CNN2: variants seen among roughly 807,000 people sequenced by gnomAD.
The protein encoded by CNN2 is calponin 2, also known as calponin-2.
A neutral mutation model predicts 31.0 loss-of-function variants in CNN2; 21 were observed. The observed-to-expected ratio is 0.68, with a 90% CI of 0.48 to 0.98. The LOEUF (loss-of-function observed/expected upper bound fraction) is 0.98. Among genes scored for constraint, CNN2 ranks in the 50% least tolerant of loss-of-function variants. The pLI is 0.00. For synonymous variants in CNN2, 165 were observed against 179.6 expected (o/e 0.92, Z 0.65); for missense variants, 399 against 427.3 (o/e 0.93, Z 0.58).
intron 2 of CNN2, 125 bp from the exon 3 acceptor site, chr19:1,032,267 C>G (rs2039510022): frequency 8.2e-6 from 9 of 1,091,432 alleles, no homozygotes; most frequent in Non-Finnish European, 1.2e-5. Context: ...GAAACTGAGG[C>G]CCAGAGAGAG....
At chr19:1,027,902 C>T (rs2039424897) in intron 1 of CNN2, among the ~76,000 whole-genome samples, 1 of 152,194 alleles carries the variant, frequency 6.6e-6, no homozygotes, top group Admixed American at 6.5e-5. Flanking sequence ...CCTGCTTCCC[C>T]GCTGTGAGCC....
Position 1,037,868 on chromosome 19 carries a change from C to T in CNN2, c.898C>T (p.Pro300Ser), listed in dbSNP as rs752035307. The T allele has an allele frequency of 1.6e-5, 25 of 1,598,802 alleles. No individual in the cohort carries two copies. Among genetic ancestry groups the T allele is most frequent in the Non-Finnish European group, 2.1e-5 (25 of 1,170,488 alleles). Residue 300 changes from proline (P) to serine (S), a missense_variant, in exon 7 of 7, where the codon CCC becomes TCC. By Grantham distance (74) the Pro-to-Ser change is moderately conservative (BLOSUM62 -1). Transcript: ENST00000263097. ...CPDPGEVPEY[P>S]PYYQEEAGY ...GGACCCGGGGGAGGTCCCTGAATATCCCCCTTACTACCAGGAGGAGGCCGG... is the reference window on the plus strand; with the variant it reads ...GGACCCGGGGGAGGTCCCTGAATATTCCCCTTACTACCAGGAGGAGGCCGG...
intron 1 of CNN2, among the ~76,000 whole-genome samples, chr19:1,030,569 T>C (rs1446411864): frequency 6.6e-6 from 1 of 151,704 alleles, no homozygotes; most frequent in Non-Finnish European, 1.5e-5. Flanking sequence ...GAGCTTGCAG[T>C]GAGCCGAGAT....
chr19:1,032,427 A>G lies in CNN2; in HGVS notation c.221A>G (p.Lys74Arg). 1 of 1,613,688 alleles carries G rather than the reference A, an allele frequency of 6.2e-7. No individual in the cohort carries two copies. ...AAGCTACAGCCGGGCTCCGTCCCCAAGATCAACCGCTCCATGCAGAACTGG... is the reference window on the plus strand; with the variant it reads ...AAGCTACAGCCGGGCTCCGTCCCCAGGATCAACCGCTCCATGCAGAACTGG... ...MNKLQPGSVP[K>R]INRSMQNWHQ... Residue 74 changes from lysine (K) to arginine (R), a missense_variant, in exon 3 of 7, where the codon AAG becomes AGG. Transcript: ENST00000263097.
intron 4 of CNN2, among the ~76,000 whole-genome samples, chr19:1,033,990 C>G (rs113005066): frequency 4.1e-3 from 2 of 484 alleles, no homozygotes. Context: ...TGTAGACCGG[C>G]AGCGTGGGTG....
At position 1,037,831 on chromosome 19, in the gene CNN2, C is replaced by T. The variant is rs761474037; in HGVS notation, c.861C>T (p.Thr287=). The change falls in exon 7 of 7, where the codon ACC becomes ACT. Residue 287 remains threonine (T), a synonymous_variant. Coordinates refer to ENST00000263097, the MANE Select transcript of CNN2 (RefSeq NM_004368.4). ...GTVADGAPSG[T]GDCPDPGEVP... is the part of the protein sequence containing the mutation. The stretch of plus-strand genomic sequence containing the variant: ...TGGCCGATGGGGCTCCCTCGGGCAC[C>T]GGCGACTGCCCGGACCCGGGGGAGG... 1.1e-5 allele frequency: 17 copies of T among 1,607,442 alleles called. No individual in the cohort carries two copies. In the East Asian group the frequency reaches 1.1e-4, roughly 11 times the overall value.
In CNN2 at chr19:1,036,128, A is replaced by T; in HGVS notation, c.391-2A>T. 1 of 1,602,364 alleles carries T rather than the reference A, an allele frequency of 6.2e-7. No homozygotes were observed. Among genetic ancestry groups the T allele is most frequent in the Non-Finnish European group, 8.5e-7 (1 of 1,173,716 alleles). The stretch of plus-strand genomic sequence containing the variant: ...TACTCCCGGCCCCTTTCCCTCACCC[A>T]GGCCAAGACTAAGGGGCTGCAGAGC... On this transcript the variant is annotated splice_acceptor_variant, in intron 4 of 6. Coordinates refer to ENST00000263097, the MANE Select transcript of CNN2 (RefSeq NM_004368.4). LOFTEE classifies it high-confidence loss of function.
intron 4 of CNN2, chr19:1,032,906 G>A (rs190661748): frequency 2.0e-6 from 1 of 490,256 alleles, no homozygotes; most frequent in East Asian, 3.7e-5. Context: ...AGTCTCCCGA[G>A]TAGCTGGGAT....
At chr19:1,026,828 TG>T in intron 1 of CNN2, 104 bp downstream of exon 1, 1 of 1,146,944 alleles carries the variant, frequency 8.7e-7, no homozygotes, top group South Asian at 1.7e-5. Context: ...GCAGGGAGCT[TG>T]GAGACCCGGG....
chr19:1,036,393 C>G, intron 5 of CNN2, 23 bp from the exon 6 acceptor site: 2 of 1,611,278 alleles, frequency 1.2e-6, no homozygotes, highest in Non-Finnish European at 8.5e-7. Flanking sequence ...GCAGTCTGAC[C>G]TCTCCCACGA....
Position 1,035,203 on chromosome 19 carries a change from T to C in CNN2, c.391-927T>C, listed in dbSNP as rs559066969. ...GACGGGGAGCGTGGGTGGGACACGG[T>C]GTCTGGTGTAGACCGGGAGCGTGGG... On this transcript the variant is annotated intron_variant, in intron 4 of 6. Transcript: ENST00000263097. Among the ~76,000 whole-genome samples, 341 of 132,934 alleles carry C rather than the reference T, an allele frequency of 2.6e-3. 19 individuals carry two copies. Among genetic ancestry groups the C allele is most frequent in the African/African-American group, 0.01 (308 of 29,506 alleles). 87.2% of individuals were successfully genotyped at this position (132,934 alleles called of 152,430 possible).
At chr19:1,035,114 G>C (rs1307956351) in intron 4 of CNN2, among the ~76,000 whole-genome samples, 1 of 140,512 alleles carries the variant, frequency 7.1e-6, no homozygotes, top group Admixed American at 7.4e-5. Flanking sequence ...TGTAGACGGG[G>C]AGCGTGGGTG....
rs1274345814 is a variant in CNN2 at position 1,031,340 on chromosome 19, GC to G, written c.185+149del. The G allele has an allele frequency of 4.4e-4, 96 of 218,166 alleles. 8 individuals are homozygous for G. The highest frequency in any genetic ancestry group is 2.0e-3 in the African/African-American group (62 of 30,254). The allele number at this position is 218,166 out of a possible 1,614,324, so 13.5% of individuals were successfully genotyped here. On this transcript the variant is annotated intron_variant, in intron 2 of 6. Transcript: ENST00000263097. ...GCACTTTTGGAGGCCGAGGGTGGTGGCGGGGGGCGGTGGATCTCGAGGTCAG... is the reference window on the plus strand; with the variant it reads ...GCACTTTTGGAGGCCGAGGGTGGTGGGGGGGGCGGTGGATCTCGAGGTCAG...
At chr19:1,029,092 A>G (rs1422072987) in intron 1 of CNN2, among the ~76,000 whole-genome samples, 1 of 143,874 alleles carries the variant, frequency 7.0e-6, no homozygotes, top group African/African-American at 2.6e-5. Context: ...GGTCCAGCTC[A>G]GGGGACCCTA....
At chr19:1,029,680 ATTT>A in intron 1 of CNN2, among the ~76,000 whole-genome samples, 1 of 148,328 alleles carries the variant, frequency 6.7e-6, no homozygotes, top group East Asian at 2.0e-4. Context: ...GAGGGATTTG[ATTT>A]TTTTTTTCCT....
In CNN2 at chr19:1,031,345, G is replaced by GA. The variant is rs1284842387; in HGVS notation, c.185+153_185+154insA. ...TTTGGAGGCCGAGGGTGGTGGCGGG[G>GA]GGCGGTGGATCTCGAGGTCAGGAGT... On this transcript the variant is annotated intron_variant, in intron 2 of 6. Transcript: ENST00000263097. 6.8e-5 allele frequency among the ~76,000 whole-genome samples: 10 copies of GA among 147,094 alleles called. 1 individual carries two copies. Among genetic ancestry groups the GA allele is most frequent in the East Asian group, 4.3e-4 (2 of 4,702 alleles).
chr19:1,036,826 A>G (rs537457109), intron 6 of CNN2: 184 of 561,154 alleles, frequency 3.3e-4, no homozygotes, highest in Non-Finnish European at 5.6e-4. Context: ...GGTCCACCCA[A>G]TTCTTTTTTT....
In CNN2 at chr19:1,038,986, C is replaced by G. The variant is rs2039689155; in HGVS notation, c.*1086C>G. 1 of 152,410 alleles carries G rather than the reference C, an allele frequency of 6.6e-6. No homozygotes were observed. The highest frequency in any genetic ancestry group is 2.1e-4 in the South Asian group (1 of 4,840). 9.4% of individuals were successfully genotyped at this position (152,410 alleles called of 1,614,324 possible). On this transcript the variant is annotated 3_prime_UTR_variant, in exon 7 of 7. Transcript: ENST00000263097. ...CGCCAAGTACTGCACAGGGACCCCC[C>G]ACCCAGGGGACCTGCTCCGTGAGAT... is the stretch of plus-strand genomic sequence containing the variant.
chr19:1,037,267 A>G (rs1056676731), intron 6 of CNN2: 2 of 236,936 alleles, frequency 8.4e-6, no homozygotes, highest in African/African-American at 4.5e-5. Context: ...CCTCCCGAGT[A>G]GCTGAGACTA....
Sources: allele counts gnomAD v4.1 joint callset (sites outside exome capture counted in the v4.1 genomes callset), GRCh38; gene constraint gnomAD v4.1.1; transcripts MANE v1.5; gene names NCBI Gene and HGNC (gene_info 2026-07-23, HGNC 2026-07-21).